BLZF1: variants seen among roughly 807,000 people sequenced by gnomAD.
BLZF1 encodes the protein golgin-45.
In BLZF1, 39 loss-of-function variants were observed where a neutral mutation model predicts 43.8. The ratio of observed to expected loss-of-function variants is 0.89; its 90% CI spans 0.69 to 1.16. The LOEUF is 1.16. BLZF1 is among the 50% of genes most tolerant of loss of function. BLZF1 has a pLI of 0.00. For missense variants in BLZF1, 449 were observed against 469.8 expected (o/e 0.96, Z 0.41); for synonymous variants, 136 against 159.4 (o/e 0.85, Z 1.11).
chr1:169,375,130 CTTAT>C (rs1350539294), intron 2 of BLZF1, among the ~76,000 whole-genome samples: 1 of 151,016 alleles, frequency 6.6e-6, no homozygotes, highest in Non-Finnish European at 1.5e-5. Flanking sequence ...TCAATAAAGC[CTTAT>C]TTATTATAGT....
chr1:169,384,189 A>G (rs145818088), intron 6 of BLZF1, among the ~76,000 whole-genome samples: 94 of 152,332 alleles, frequency 6.2e-4, no homozygotes, highest in African/African-American at 2.2e-3. Flanking sequence ...AAAAACACAT[A>G]TAAAGCCTGC....
chr1:169,389,707 T>C (rs532471833), downstream of BLZF1, among the ~76,000 whole-genome samples: 1 of 152,350 alleles, frequency 6.6e-6, no homozygotes, highest in African/African-American at 2.4e-5. Context: ...TAACACAGTG[T>C]CCATCGATGG....
chr1:169,389,464 A>G (rs1654764335), downstream of BLZF1, among the ~76,000 whole-genome samples: 1 of 152,230 alleles, frequency 6.6e-6, no homozygotes, highest in African/African-American at 2.4e-5. Context: ...TTATCAAAAA[A>G]GCAAATTATA....
downstream of BLZF1, among the ~76,000 whole-genome samples, chr1:169,393,054 G>A (rs1039349727): frequency 1.3e-5 from 2 of 152,092 alleles, no homozygotes; most frequent in Admixed American, 6.5e-5. Flanking sequence ...TGTCTGAAGT[G>A]GGGGGCAGTT....
intron 7 of BLZF1, chr1:169,395,075 G>C (rs781230083): frequency 6.2e-7 from 1 of 1,606,414 alleles, no homozygotes; most frequent in Non-Finnish European, 8.5e-7. Context: ...AAAACGAAAA[G>C]GTTTGGCTTC....
intron 7 of BLZF1, among the ~76,000 whole-genome samples, chr1:169,393,405 T>C (rs1654865303): frequency 6.6e-6 from 1 of 151,410 alleles, no homozygotes; most frequent in Non-Finnish European, 1.5e-5. Context: ...CTGACCAACA[T>C]GGCGAAACCC....
chr1:169,392,323 T>G (rs890784244), downstream of BLZF1, among the ~76,000 whole-genome samples: 2 of 152,188 alleles, frequency 1.3e-5, no homozygotes, highest in African/African-American at 4.8e-5. Context: ...GACTGACACT[T>G]CCCAATTTCA....
chr1:169,371,522 G>C (rs1450104102), intron 2 of BLZF1, among the ~76,000 whole-genome samples: 2 of 152,094 alleles, frequency 1.3e-5, no homozygotes, highest in Non-Finnish European at 2.9e-5. Context: ...TACTTGTATT[G>C]CATGGCCTGT....
chr1:169,387,957 T>C lies in BLZF1; in HGVS notation c.*775T>C, dbSNP rs1654720084. The C allele has an allele frequency of 6.6e-6, 1 of 152,180 alleles. No homozygotes were observed. The highest frequency in any genetic ancestry group is 2.1e-4 in the South Asian group (1 of 4,830). The allele number at this position is 152,180 out of a possible 1,614,324, so 9.4% of individuals were successfully genotyped here. On this transcript the variant is annotated 3_prime_UTR_variant, in exon 7 of 7. Transcript: ENST00000367808. Reference sequence around the variant, plus strand: ...TAACTATTGACTCTTATTTAGCAAATGCAACAGACAAGAATATCCAACTTG... The same window carrying C: ...TAACTATTGACTCTTATTTAGCAAACGCAACAGACAAGAATATCCAACTTG...
In BLZF1 at chr1:169,387,479, C is replaced by G. The variant is rs1654710047; in HGVS notation, c.*297C>G. On this transcript the variant is annotated 3_prime_UTR_variant, in exon 7 of 7. Transcript: ENST00000367808. ...AAAAGATTCTGTAACTCTCTTTTAG[C>G]ACCAAATTATTGTTTATCTTGCTGG... is the stretch of plus-strand genomic sequence containing the variant. The G allele has an allele frequency of 4.5e-6, 1 of 222,838 alleles. No homozygotes were observed. Among genetic ancestry groups the G allele is most frequent in the African/African-American group, 2.3e-5 (1 of 43,398 alleles). 13.8% of individuals were successfully genotyped at this position (222,838 alleles called of 1,614,324 possible).
intron 2 of BLZF1, among the ~76,000 whole-genome samples, chr1:169,375,393 CATATATATATATATATATATATAT>C (rs58679820): frequency 0.074 from 6,365 of 85,866 alleles, 278 homozygotes; most frequent in East Asian, 0.17. Context: ...ATATATAAAA[CATATATATATATATATATATATAT>C]ATATATATAT....
intron 7 of BLZF1, among the ~76,000 whole-genome samples, chr1:169,393,657 A>G (rs1215941399): frequency 6.8e-6 from 1 of 146,542 alleles, no homozygotes; most frequent in Admixed American, 6.8e-5. Context: ...GCTGGAGTGC[A>G]GTGATGCAAT....
intron 2 of BLZF1, among the ~76,000 whole-genome samples, chr1:169,372,932 TA>T (rs555051248): frequency 9.9e-5 from 15 of 151,540 alleles, no homozygotes; most frequent in African/African-American, 3.1e-4. Context: ...TATCCTGAAT[TA>T]AAAAAAAATC....
At chr1:169,386,257 A>G (rs1485269874) in intron 6 of BLZF1, among the ~76,000 whole-genome samples, 1 of 152,222 alleles carries the variant, frequency 6.6e-6, no homozygotes, top group East Asian at 1.9e-4. Flanking sequence ...CATTGATACT[A>G]CAGATAAAAA....
rs559990295 is a variant in BLZF1, at chr1:169,373,553, C to G, written c.29-2987C>G. Among the ~76,000 whole-genome samples, 12 of 152,290 alleles carry G rather than the reference C, an allele frequency of 7.9e-5. No individual in the cohort carries two copies. In the East Asian group the frequency reaches 2.3e-3, roughly 29 times the overall value. ...CTCTTACGGCCTGTTTACCTATGCA[C>G]ATTAGCTAGAATCATAGTTATTACT... On this transcript the variant is annotated intron_variant, in intron 2 of 6. Coordinates refer to ENST00000367808, the MANE Select transcript of BLZF1 (RefSeq NM_001320973.2).
In BLZF1 at chr1:169,388,203, C is replaced by A. The variant is rs1190659346; in HGVS notation, c.*1021C>A. The stretch of plus-strand genomic sequence containing the variant: ...GTGAGAGAAATCTTCAAAAGACAAA[C>A]CTGGTCAAATAATAATAATTTTAAT... On this transcript the variant is annotated 3_prime_UTR_variant, in exon 7 of 7. Coordinates refer to ENST00000367808, the MANE Select transcript of BLZF1 (RefSeq NM_001320973.2). 1 of 152,008 alleles carries A rather than the reference C, an allele frequency of 6.6e-6. No individual in the cohort carries two copies. Among genetic ancestry groups the A allele is most frequent in the Admixed American group, 6.6e-5 (1 of 15,258 alleles). The allele number at this position is 152,008 out of a possible 1,614,324, so 9.4% of individuals were successfully genotyped here. A position where few individuals can be genotyped will look rare whatever the true frequency, so the allele number is the denominator to read the frequency against.
chr1:169,370,595 G>A (rs1455882559), intron 2 of BLZF1, among the ~76,000 whole-genome samples: 1 of 152,098 alleles, frequency 6.6e-6, no homozygotes, highest in Non-Finnish European at 1.5e-5. Flanking sequence ...TCTCAATGAC[G>A]CTTGCCAAAC....
At chr1:169,372,504 C>T (rs560230487) in intron 2 of BLZF1, among the ~76,000 whole-genome samples, 19 of 152,116 alleles carry the variant, frequency 1.2e-4, no homozygotes, top group African/African-American at 3.6e-4. Flanking sequence ...GATTAGGAGG[C>T]GGTCCATACC....
chr1:169,385,097 A>G (rs962501535), intron 6 of BLZF1, among the ~76,000 whole-genome samples: 1 of 151,934 alleles, frequency 6.6e-6, no homozygotes, highest in East Asian at 1.9e-4. Context: ...TTCTCGAACT[A>G]TTCTTTCCGA....
Sources: allele counts gnomAD v4.1 joint callset (sites outside exome capture counted in the v4.1 genomes callset), GRCh38; gene constraint gnomAD v4.1.1; transcripts MANE v1.5; gene names NCBI Gene and HGNC (gene_info 2026-07-23, HGNC 2026-07-21).